The following COMMD10 variants were observed in gnomAD, a reference collection of about 807,000 sequenced individuals.
The protein encoded by COMMD10 is COMM domain-containing protein 10.
A neutral mutation model predicts 28.9 loss-of-function variants in COMMD10; 33 were observed. The observed-to-expected ratio is 1.14, with a 90% CI of 0.87 to 1.53. The LOEUF (loss-of-function observed/expected upper bound fraction) is 1.53, where lower values mean the gene tolerates loss of function less well. Ranked by LOEUF, COMMD10 falls within the 40% of genes most tolerant of loss-of-function variation. COMMD10 has a pLI of 0.00. For synonymous variants in COMMD10, 110 were observed against 81.7 expected (o/e 1.35, Z -1.87); for missense variants, 310 against 233.4 (o/e 1.33, Z -2.14).
chr5:116,223,642 T>G (rs928873007), intron 5 of COMMD10, among the ~76,000 whole-genome samples: 12 of 152,116 alleles, frequency 7.9e-5, no homozygotes, highest in Non-Finnish European at 1.8e-4. Flanking sequence ...GACCGTAAGG[T>G]TGAGTCAGAG....
chr5:116,221,197 C>G (rs1447224153), intron 5 of COMMD10, among the ~76,000 whole-genome samples: 2 of 151,662 alleles, frequency 1.3e-5, no homozygotes, highest in Non-Finnish European at 2.9e-5. Context: ...TGAGCTGTCT[C>G]AGCAAATGCA....
chr5:116,190,287 G>T (rs1748318712), intron 5 of COMMD10, among the ~76,000 whole-genome samples: 1 of 152,022 alleles, frequency 6.6e-6, no homozygotes, highest in African/African-American at 2.4e-5. Flanking sequence ...TTATAATTAG[G>T]AACTGTTTGA....
At chr5:116,278,382 A>G (rs1750975368) in intron 5 of COMMD10, among the ~76,000 whole-genome samples, 1 of 151,822 alleles carries the variant, frequency 6.6e-6, no homozygotes, top group African/African-American at 2.4e-5. Flanking sequence ...ATAATAAATT[A>G]TGGTTAATGA....
At chr5:116,116,803 C>G (rs1751255286) in intron 4 of COMMD10, among the ~76,000 whole-genome samples, 1 of 151,544 alleles carries the variant, frequency 6.6e-6, no homozygotes, top group African/African-American at 2.4e-5. Flanking sequence ...ACTGCAAGCT[C>G]CGCTTCCCGG....
Position 116,225,037 on chromosome 5 carries a change from C to T in COMMD10, c.511-66480C>T, listed in dbSNP as rs1006890350. 5.9e-5 allele frequency among the ~76,000 whole-genome samples: 9 copies of T among 152,180 alleles called. 1 individual carries two copies. The highest frequency in any genetic ancestry group is 2.1e-4 in the South Asian group (1 of 4,834). ...TCTTTAGTTTATGGGGCTTCTAACC[C>T]ATAATGCAGTTGTACTGATTCTTTT... On this transcript the variant is annotated intron_variant, in intron 5 of 6. Coordinates refer to ENST00000274458, the MANE Select transcript of COMMD10 (RefSeq NM_016144.4).
chr5:116,201,271 C>T (rs1186408571), intron 5 of COMMD10, among the ~76,000 whole-genome samples: 1 of 152,154 alleles, frequency 6.6e-6, no homozygotes, highest in Non-Finnish European at 1.5e-5. Context: ...ATGGCGTGTC[C>T]TTTCCTTTGC....
chr5:116,192,458 A>G (rs1748395802), intron 5 of COMMD10, among the ~76,000 whole-genome samples: 1 of 152,154 alleles, frequency 6.6e-6, no homozygotes, highest in South Asian at 2.1e-4. Flanking sequence ...AAGGAAATAG[A>G]TACTTTAAAG....
At chr5:116,180,369 T>C (rs1363221520) in intron 5 of COMMD10, among the ~76,000 whole-genome samples, 1 of 152,158 alleles carries the variant, frequency 6.6e-6, no homozygotes, top group East Asian at 1.9e-4. Flanking sequence ...AAATTCTGTT[T>C]TCAGTTAAGT....
chr5:116,243,689 A>C (rs12332489), intron 5 of COMMD10, among the ~76,000 whole-genome samples: 2 of 152,132 alleles, frequency 1.3e-5, no homozygotes, highest in African/African-American at 4.8e-5. Flanking sequence ...TCTCAAGTCA[A>C]AAACATTTTG....
rs148595689 is a variant in COMMD10, at chr5:116,167,513, C to A, written c.510+33335C>A. Among the ~76,000 whole-genome samples, 7 of 152,138 alleles carry A rather than the reference C, an allele frequency of 4.6e-5. No individual in the cohort carries two copies. In the South Asian group the frequency reaches 8.3e-4, roughly 18 times the overall value. ...CAGAGAACACCACAAAGATACTCCT[C>A]GAGAAGAGCAACCCCAAGACACATA... On this transcript the variant is annotated intron_variant, in intron 5 of 6. Coordinates refer to ENST00000274458, the MANE Select transcript of COMMD10 (RefSeq NM_016144.4).
intron 5 of COMMD10, among the ~76,000 whole-genome samples, chr5:116,165,688 T>C (rs1353418187): frequency 6.6e-6 from 1 of 150,610 alleles, no homozygotes; most frequent in Admixed American, 6.6e-5. Context: ...GTGTCTCTTA[T>C]TGTTTCTTTT....
intron 5 of COMMD10, among the ~76,000 whole-genome samples, chr5:116,288,697 T>C (rs1448797410): frequency 6.6e-6 from 1 of 151,694 alleles, no homozygotes. Context: ...TGATTCTTCA[T>C]TCTGCCTAAA....
chr5:116,222,019 A>G (rs1427455729), intron 5 of COMMD10, among the ~76,000 whole-genome samples: 1 of 152,214 alleles, frequency 6.6e-6, no homozygotes, highest in Non-Finnish European at 1.5e-5. Flanking sequence ...GGATGTGGGT[A>G]AGCCTTGGTG....
chr5:116,143,434 C>T (rs1752253586), intron 5 of COMMD10, among the ~76,000 whole-genome samples: 1 of 151,602 alleles, frequency 6.6e-6, no homozygotes. Flanking sequence ...ACATTTTAGG[C>T]AATTTAGAAT....
intron 5 of COMMD10, among the ~76,000 whole-genome samples, chr5:116,252,193 A>G (rs1257731421): frequency 7.1e-6 from 1 of 140,922 alleles, no homozygotes; most frequent in Non-Finnish European, 1.5e-5. Context: ...TAGATTCTGG[A>G]TATTAGCCCT....
chr5:116,179,901 A>T (rs1425223072), intron 5 of COMMD10, among the ~76,000 whole-genome samples: 1 of 152,078 alleles, frequency 6.6e-6, no homozygotes, highest in Non-Finnish European at 1.5e-5. Context: ...ATTGGACGAG[A>T]TGGCAGTTTT....
At chr5:116,183,181 A>T (rs193059251) in intron 5 of COMMD10, among the ~76,000 whole-genome samples, 2 of 152,282 alleles carry the variant, frequency 1.3e-5, no homozygotes, top group East Asian at 3.9e-4. Flanking sequence ...AGAACCTAGA[A>T]ATAAATTACC....
chr5:116,238,005 A>G (rs1749718912), intron 5 of COMMD10, among the ~76,000 whole-genome samples: 1 of 152,224 alleles, frequency 6.6e-6, no homozygotes, highest in Admixed American at 6.5e-5. Flanking sequence ...AGAATGTTAC[A>G]GTATTTTGTT....
chr5:116,190,516 T>G (rs1748330333), intron 5 of COMMD10, among the ~76,000 whole-genome samples: 1 of 152,224 alleles, frequency 6.6e-6, no homozygotes, highest in African/African-American at 2.4e-5. Context: ...TCCTACAGTT[T>G]CAGTTCCATA....
Sources: allele counts gnomAD v4.1 joint callset (sites outside exome capture counted in the v4.1 genomes callset), GRCh38; gene constraint gnomAD v4.1.1; transcripts MANE v1.5; gene names NCBI Gene and HGNC (gene_info 2026-07-23, HGNC 2026-07-21).